The following SMAD4 variants were observed in gnomAD, a reference collection of about 807,000 sequenced individuals.
SMAD4 encodes MAD homolog 4.
SMAD4 carries 7 observed loss-of-function variants against 63.2 expected under a neutral mutation model. The ratio of observed to expected loss-of-function variants is 0.11; its 90% confidence interval spans 0.06 to 0.21. SMAD4 has a LOEUF of 0.21. Among genes scored for constraint, SMAD4 ranks in the 10% least tolerant of loss-of-function variants. The probability of loss-of-function intolerance (pLI) is 1.00; values close to 1 mark genes in which losing one functional copy is unlikely to be tolerated. For synonymous variants in SMAD4, 215 were observed against 235.4 expected (o/e 0.91, Z 0.79); for missense variants, 312 against 693.8 (o/e 0.45, Z 6.18).
chr18:51,056,740 G>A (rs1490842303), intron 5 of SMAD4, among the ~76,000 whole-genome samples: 3 of 151,650 alleles, frequency 2.0e-5, no homozygotes, highest in Non-Finnish European at 4.4e-5. Context: ...TGATTTAGTC[G>A]TATTGTTTAA....
At chr18:51,066,487 G>A (rs1910157587) in intron 9 of SMAD4, among the ~76,000 whole-genome samples, 3 of 151,968 alleles carry the variant, frequency 2.0e-5, no homozygotes, top group Admixed American at 2.0e-4. Context: ...TCTATCACTT[G>A]CTGTCATGTG....
intron 1 of SMAD4, among the ~76,000 whole-genome samples, chr18:51,042,345 T>C (rs1476901764): frequency 2.3e-5 from 3 of 132,224 alleles, no homozygotes; most frequent in Non-Finnish European, 4.8e-5. Context: ...CCCTCTCTCT[T>C]TCTCTCTGTT....
intron 3 of SMAD4, 94 bp from the exon 4 acceptor site, chr18:51,049,201 C>T (rs2144407137): frequency 1.0e-6 from 1 of 982,150 alleles, no homozygotes; most frequent in South Asian, 1.4e-5. Flanking sequence ...CTTTTGTAAT[C>T]TTTGGTTTAA....
In SMAD4 at chr18:51,067,014, C is replaced by G. The variant is rs1599196891; in HGVS notation, c.1140-5C>G. 3 of 1,605,770 alleles carry G rather than the reference C, an allele frequency of 1.9e-6. No homozygotes were observed. The highest frequency in any genetic ancestry group is 8.5e-7 in the Non-Finnish European group (1 of 1,173,820). ...ATAAAATGTAATTTCTTTTTTCTTC[C>G]TAAGGTTGCACATAGGCAAAGGTGT... is the stretch of plus-strand genomic sequence containing the variant. On this transcript the variant is annotated splice_region_variant and splice_polypyrimidine_tract_variant and intron_variant, in intron 9 of 11. Coordinates refer to ENST00000342988, the MANE Select transcript of SMAD4 (RefSeq NM_005359.6).
intron 1 of SMAD4, among the ~76,000 whole-genome samples, chr18:51,037,165 C>T (rs1235637804): frequency 2.6e-5 from 4 of 152,106 alleles, no homozygotes; most frequent in Admixed American, 1.3e-4. Context: ...GCCTAGCTGA[C>T]AGAGCGAGAC....
At chr18:51,034,356 C>G (rs549659274) in intron 1 of SMAD4, among the ~76,000 whole-genome samples, 29 of 152,126 alleles carry the variant, frequency 1.9e-4, no homozygotes, top group African/African-American at 6.7e-4. Context: ...AAGCGATTCC[C>G]CTGCCTCAGC....
Position 51,084,190 on chromosome 18 carries a change from C to G in SMAD4, c.*5723C>G, listed in dbSNP as rs1052625480. 7.8e-5 allele frequency: 18 copies of G among 230,612 alleles called. No homozygotes were observed. Among genetic ancestry groups the G allele is most frequent in the African/African-American group, 4.0e-4 (18 of 45,112 alleles). 14.3% of individuals were successfully genotyped at this position (230,612 alleles called of 1,614,324 possible). On this transcript the variant is annotated 3_prime_UTR_variant, in exon 12 of 12. Transcript: ENST00000342988. ...TTTGAGTTGGTGTGTGTGACACCAC[C>G]CTCCTAAGTGGTGTGTGCTTGTAAT...
Position 51,079,696 on chromosome 18 carries a change from C to G in SMAD4, c.*1229C>G, listed in dbSNP as rs1910561784. Reference sequence around the variant, plus strand: ...ATAGAGAATTTAAGTAGAAAAGTTGCAGATGTATTGACTGTACCACAGACA... The same window carrying G: ...ATAGAGAATTTAAGTAGAAAAGTTGGAGATGTATTGACTGTACCACAGACA... On this transcript the variant is annotated 3_prime_UTR_variant, in exon 12 of 12. Transcript: ENST00000342988. 4.3e-6 allele frequency: 1 copy of G among 233,236 alleles called. No individual in the cohort carries two copies. Among genetic ancestry groups the G allele is most frequent in the South Asian group, 1.8e-4 (1 of 5,530 alleles). 14.4% of individuals were successfully genotyped at this position (233,236 alleles called of 1,614,324 possible).
chr18:51,076,421 A>G lies in SMAD4; in HGVS notation c.1309-217A>G, dbSNP rs183959621. The stretch of plus-strand genomic sequence containing the variant: ...ACAGAGGCGTGTGGCAGCCAAAGCC[A>G]TCATGATGTTGACATGATCTTCTTG... On this transcript the variant is annotated intron_variant, in intron 10 of 11. Coordinates refer to ENST00000342988, the MANE Select transcript of SMAD4 (RefSeq NM_005359.6). Among the ~76,000 whole-genome samples the G allele has an allele frequency of 3.3e-5, 5 of 152,340 alleles. No individual in the cohort carries two copies. The East Asian group carries it at 9.6e-4, about 29-fold the overall frequency.
rs878921195 is a variant in SMAD4 at position 51,084,004 on chromosome 18, GCGCGCGCGCACA to G, written c.*5539_*5550del. 1.4e-3 allele frequency: 149 copies of G among 105,008 alleles called. 1 individual carries two copies. Among genetic ancestry groups the G allele is most frequent in the South Asian group, 4.8e-3 (9 of 1,892 alleles). 6.5% of individuals were successfully genotyped at this position (105,008 alleles called of 1,614,324 possible). A position where few individuals can be genotyped will look rare whatever the true frequency, so the allele number is the denominator to read the frequency against. Reference sequence around the variant, plus strand: ...ATAAACACTTAACGCGCGTGCGCACGCGCGCGCGCACACACACACACACACACACACACACAC... The same window carrying G: ...ATAAACACTTAACGCGCGTGCGCACGCACACACACACACACACACACACAC... On this transcript the variant is annotated 3_prime_UTR_variant, in exon 12 of 12. Coordinates refer to ENST00000342988, the MANE Select transcript of SMAD4 (RefSeq NM_005359.6).
At position 51,084,002 on chromosome 18, in the gene SMAD4, A is replaced by G. The variant is rs75712226; in HGVS notation, c.*5535A>G. 0.061 allele frequency: 5,751 copies of G among 94,488 alleles called. 340 individuals are homozygous for G. The highest frequency in any genetic ancestry group is 0.2 in the African/African-American group (5,227 of 25,892). The allele number at this position is 94,488 out of a possible 1,614,324, so 5.9% of individuals were successfully genotyped here. A position where few individuals can be genotyped will look rare whatever the true frequency, so the allele number is the denominator to read the frequency against. Reference sequence around the variant, plus strand: ...CAATAAACACTTAACGCGCGTGCGCACGCGCGCGCGCACACACACACACAC... The same window carrying G: ...CAATAAACACTTAACGCGCGTGCGCGCGCGCGCGCGCACACACACACACAC... On this transcript the variant is annotated 3_prime_UTR_variant, in exon 12 of 12. Coordinates refer to ENST00000342988, the MANE Select transcript of SMAD4 (RefSeq NM_005359.6).
intron 10 of SMAD4, among the ~76,000 whole-genome samples, chr18:51,068,621 A>G (rs1458256949): frequency 1.3e-5 from 2 of 152,198 alleles, no homozygotes; most frequent in African/African-American, 4.8e-5. Flanking sequence ...AAAGTTAGTT[A>G]TTAAACAATA....
At chr18:51,042,301 TTCCCTCCC>T (rs1160836350) in intron 1 of SMAD4, among the ~76,000 whole-genome samples, 940 of 60,718 alleles carry the variant, frequency 0.015, 7 homozygotes, top group Non-Finnish European at 0.027. Context: ...CCCTCCCTCC[TTCCCTCCC>T]TCCCTCCCTC....
At position 51,078,685 on chromosome 18, in the gene SMAD4, A is replaced by G. The variant is rs886053895; in HGVS notation, c.*218A>G. ...TTGTCAGGCATGGCTCAGAGCTTGA[A>G]GATTAGGAGAAACACATTCTTATTA... On this transcript the variant is annotated 3_prime_UTR_variant, in exon 12 of 12. Coordinates refer to ENST00000342988, the MANE Select transcript of SMAD4 (RefSeq NM_005359.6). The G allele has an allele frequency of 1.7e-5, 9 of 542,982 alleles. No homozygotes were observed. In the Admixed American group the frequency reaches 2.3e-4, roughly 14 times the overall value. 33.6% of individuals were successfully genotyped at this position (542,982 alleles called of 1,614,324 possible).
chr18:51,046,337 A>G (rs1222470259), intron 1 of SMAD4, among the ~76,000 whole-genome samples: 3 of 151,768 alleles, frequency 2.0e-5, no homozygotes, highest in African/African-American at 4.8e-5. Context: ...TTTGATTTTC[A>G]TTTCCATAAT....
chr18:51,045,383 A>G (rs541818084), intron 1 of SMAD4, among the ~76,000 whole-genome samples: 2 of 152,204 alleles, frequency 1.3e-5, no homozygotes, highest in Non-Finnish European at 2.9e-5. Flanking sequence ...TCAGTGAACA[A>G]ATAAAATACA....
At chr18:51,070,847 G>A (rs1298105987) in intron 10 of SMAD4, among the ~76,000 whole-genome samples, 1 of 152,046 alleles carries the variant, frequency 6.6e-6, no homozygotes, top group Non-Finnish European at 1.5e-5. Context: ...CCTTTATTTA[G>A]TTCATAATGG....
intron 1 of SMAD4, among the ~76,000 whole-genome samples, chr18:51,033,289 A>G (rs755703944): frequency 6.7e-6 from 1 of 149,682 alleles, no homozygotes; most frequent in African/African-American, 2.5e-5. Flanking sequence ...TTCCGGGTTC[A>G]AGCGATTCTC....
intron 10 of SMAD4, among the ~76,000 whole-genome samples, chr18:51,071,058 C>T (rs886981404): frequency 4.6e-5 from 7 of 152,052 alleles, no homozygotes; most frequent in Non-Finnish European, 8.8e-5. Flanking sequence ...GAACATATCC[C>T]CCATAGATAA....
Sources: allele counts gnomAD v4.1 joint callset (sites outside exome capture counted in the v4.1 genomes callset), GRCh38; gene constraint gnomAD v4.1.1; transcripts MANE v1.5; gene names NCBI Gene and HGNC (gene_info 2026-07-23, HGNC 2026-07-21).